The following KAZN variants were observed in gnomAD, a reference collection of about 807,000 sequenced individuals.
The protein encoded by KAZN is kazrin.
A neutral mutation model predicts 87.4 loss-of-function variants in KAZN; 40 were observed. That is an observed-to-expected ratio of 0.46 (90% CI 0.36 to 0.60). The LOEUF is 0.60. Ranked by LOEUF, KAZN falls within the 20% of genes least tolerant of loss-of-function variation. The pLI, the probability that KAZN is intolerant of heterozygous loss-of-function variation, is 0.00. For synonymous variants in KAZN, 466 were observed against 458.3 expected (o/e 1.02, Z -0.22); for missense variants, 898 against 1,073.9 (o/e 0.84, Z 2.29).
intron 2 of KAZN, among the ~76,000 whole-genome samples, chr1:14,390,287 C>T (rs116254104): frequency 6.6e-6 from 1 of 152,046 alleles, no homozygotes; most frequent in African/African-American, 2.4e-5. Context: ...TTATAGTCTA[C>T]TGGAAAAGAC....
intron 2 of KAZN, among the ~76,000 whole-genome samples, chr1:14,534,516 G>A (rs1387874327): frequency 6.6e-6 from 1 of 152,090 alleles, no homozygotes; most frequent in East Asian, 1.9e-4. Flanking sequence ...GTGGTGGCGG[G>A]TACCTGTCAT....
intron 1 of KAZN, among the ~76,000 whole-genome samples, chr1:14,083,862 C>T (rs1263538068): frequency 1.3e-5 from 2 of 152,196 alleles, no homozygotes; most frequent in African/African-American, 4.8e-5. Context: ...ATCAGTTAAT[C>T]CTCCCACACT....
chr1:13,929,516 G>T lies in KAZN; in HGVS notation c.91+35760G>T, dbSNP rs184772405. 4.2e-3 allele frequency among the ~76,000 whole-genome samples: 646 copies of T among 152,270 alleles called. 6 individuals are homozygous for T. The highest frequency in any genetic ancestry group is 0.014 in the African/African-American group (594 of 41,540). On this transcript the variant is annotated intron_variant, in intron 1 of 16. Transcript: ENST00000636203. ...CTTCTTTATGGGCAGAATGACTTTGGTGATGCTCACATCAATGTCAGCCTG... is the reference window on the plus strand; with the variant it reads ...CTTCTTTATGGGCAGAATGACTTTGTTGATGCTCACATCAATGTCAGCCTG...
chr1:14,422,946 T>G (rs1369078650), intron 2 of KAZN, among the ~76,000 whole-genome samples: 2 of 152,258 alleles, frequency 1.3e-5, no homozygotes, highest in Non-Finnish European at 2.9e-5. Flanking sequence ...GAGGCTTCTT[T>G]GCCTAAGGGC....
At chr1:14,183,107 G>GAGAGT (rs1458137979) in intron 2 of KAZN, among the ~76,000 whole-genome samples, 2 of 152,174 alleles carry the variant, frequency 1.3e-5, no homozygotes, top group African/African-American at 4.8e-5. Flanking sequence ...GAGGCTGCTT[G>GAGAGT]AGAGTGACTG....
At chr1:14,091,957 C>T (rs1385769630) in intron 1 of KAZN, among the ~76,000 whole-genome samples, 1 of 152,146 alleles carries the variant, frequency 6.6e-6, no homozygotes, top group African/African-American at 2.4e-5. Flanking sequence ...GGGCCATGGA[C>T]ACACACTGTA....
intron 2 of KAZN, among the ~76,000 whole-genome samples, chr1:14,993,730 A>G (rs1573006339): frequency 2.6e-5 from 4 of 152,312 alleles, no homozygotes; most frequent in Admixed American, 2.6e-4. Context: ...GACTTCGCCC[A>G]TCCTGGGTGC....
intron 2 of KAZN, among the ~76,000 whole-genome samples, chr1:14,417,572 G>C (rs1664901968): frequency 6.6e-6 from 1 of 152,170 alleles, no homozygotes; most frequent in South Asian, 2.1e-4. Context: ...GCCCCTCCTG[G>C]CTGGTTGGAG....
At chr1:14,376,337 G>A (rs910141748) in intron 2 of KAZN, among the ~76,000 whole-genome samples, 7 of 152,084 alleles carry the variant, frequency 4.6e-5, no homozygotes, top group Non-Finnish European at 8.8e-5. Context: ...GGGACCATTA[G>A]GAGGTAACTA....
At position 15,114,957 on chromosome 1, in the gene KAZN, A is replaced by G. The variant is rs2100762674; in HGVS notation, c.*322A>G. The G allele has an allele frequency of 4.9e-6, 1 of 205,730 alleles. No individual in the cohort carries two copies. The highest frequency in any genetic ancestry group is 9.8e-6 in the Non-Finnish European group (1 of 102,166). The allele number at this position is 205,730 out of a possible 1,614,324, so 12.7% of individuals were successfully genotyped here. A position where few individuals can be genotyped will look rare whatever the true frequency, so the allele number is the denominator to read the frequency against. On this transcript the variant is annotated 3_prime_UTR_variant, in exon 15 of 15. Coordinates refer to ENST00000376030, the MANE Select transcript of KAZN (RefSeq NM_201628.3). ...GAGTGACCGTCACTGTGGAGCAGCC[A>G]AGCAGTCCCTGGAGCCTTAAACGGA...
At chr1:14,315,337 T>C (rs996843542) in intron 2 of KAZN, among the ~76,000 whole-genome samples, 2 of 152,102 alleles carry the variant, frequency 1.3e-5, no homozygotes, top group Admixed American at 6.6e-5. Context: ...GTGAAGCAGA[T>C]AGTGTTATGG....
intron 10 of KAZN, among the ~76,000 whole-genome samples, chr1:15,098,313 T>C (rs1640886963): frequency 6.6e-6 from 1 of 152,212 alleles, no homozygotes; most frequent in Non-Finnish European, 1.5e-5. Flanking sequence ...GCTCTTACAA[T>C]AAATAGCTCA....
chr1:14,754,775 G>A (rs1572399692), intron 1 of KAZN, among the ~76,000 whole-genome samples: 1 of 152,090 alleles, frequency 6.6e-6, no homozygotes, highest in East Asian at 1.9e-4. Flanking sequence ...GTGCTGAGAG[G>A]GAAGGGAATG....
At chr1:13,973,900 C>T (rs1479278439) in intron 1 of KAZN, among the ~76,000 whole-genome samples, 4 of 152,200 alleles carry the variant, frequency 2.6e-5, no homozygotes, top group African/African-American at 9.6e-5. Context: ...TCCCCACGAC[C>T]ACCCACAGGT....
At chr1:14,031,268 T>C (rs1641317253) in intron 1 of KAZN, among the ~76,000 whole-genome samples, 1 of 152,216 alleles carries the variant, frequency 6.6e-6, no homozygotes, top group South Asian at 2.1e-4. Flanking sequence ...CCCACATTAA[T>C]ATAATTATAT....
chr1:13,981,093 A>ATATATATATATG (rs1638655799), intron 1 of KAZN, among the ~76,000 whole-genome samples: 2 of 78,150 alleles, frequency 2.6e-5, no homozygotes, highest in Non-Finnish European at 5.3e-5. Context: ...TACTCTTTAT[A>ATATATATATATG]TATATATATA....
intron 2 of KAZN, among the ~76,000 whole-genome samples, chr1:14,201,855 A>G (rs1229022705): frequency 1.3e-5 from 2 of 152,074 alleles, no homozygotes; most frequent in Non-Finnish European, 2.9e-5. Context: ...TTTAGTAGAG[A>G]CAGGGTTTCT....
chr1:14,411,863 G>T (rs1044979308), intron 2 of KAZN, among the ~76,000 whole-genome samples: 4 of 152,140 alleles, frequency 2.6e-5, no homozygotes, highest in African/African-American at 4.8e-5. Context: ...AAAAAGTTCT[G>T]GTCTTTGTAT....
chr1:14,596,719 G>A (rs770782394), upstream of KAZN, among the ~76,000 whole-genome samples: 4 of 152,038 alleles, frequency 2.6e-5, no homozygotes, highest in African/African-American at 7.3e-5. Context: ...CTTCTATGTC[G>A]GGCTTCTTTC....
Sources: allele counts gnomAD v4.1 joint callset (sites outside exome capture counted in the v4.1 genomes callset), GRCh38; gene constraint gnomAD v4.1.1; transcripts MANE v1.5; gene names NCBI Gene and HGNC (gene_info 2026-07-23, HGNC 2026-07-21).